Variants in KCNQ2 observed in about 807,000 individuals in gnomAD.
KCNQ2 encodes the protein potassium voltage-gated channel subfamily KQT member 2.
In KCNQ2, 14 loss-of-function variants were observed where a neutral mutation model predicts 84.8. The ratio of observed to expected loss-of-function variants is 0.17; its 90% CI spans 0.11 to 0.26. KCNQ2 has a LOEUF of 0.26. KCNQ2 is among the 10% of genes least tolerant of loss of function. The pLI, the probability that KCNQ2 is intolerant of heterozygous loss-of-function variation, is 1.00. For missense variants in KCNQ2, 788 were observed against 1,254.0 expected, an observed-to-expected ratio of 0.63 and a Z score of 5.61; for synonymous variants, 599 against 554.1, an observed-to-expected ratio of 1.08 and a Z score of -1.14.
At chr20:63,423,035 T>A (rs2080521741) in intron 11 of KCNQ2, among the ~76,000 whole-genome samples, 2 of 152,154 alleles carry the variant, frequency 1.3e-5, no homozygotes, top group African/African-American at 2.4e-5. Flanking sequence ...GGGGAGGCAG[T>A]GGCAGCACTG....
intron 1 of KCNQ2, chr20:63,463,939 C>T (rs949257965): frequency 1.3e-5 from 2 of 152,066 alleles, no homozygotes; most frequent in African/African-American, 4.8e-5. Flanking sequence ...CCCGTCCGCC[C>T]CCACTGAGAT....
intron 9 of KCNQ2, 97 bp from the exon 10 acceptor site, chr20:63,428,532 G>T: frequency 9.5e-7 from 1 of 1,057,950 alleles, no homozygotes; most frequent in South Asian, 1.4e-5. Flanking sequence ...GGCGCCTGCA[G>T]TGTCAGACAC....
At position 63,446,174 on chromosome 20, in the gene KCNQ2, C is replaced by T; in HGVS notation, c.387+573G>A. 3.7e-6 allele frequency: 1 copy of T among 270,038 alleles called. No homozygotes were observed. The allele number at this position is 270,038 out of a possible 1,614,324, so 16.7% of individuals were successfully genotyped here. A position where few individuals can be genotyped will look rare whatever the true frequency, so the allele number is the denominator to read the frequency against. On this transcript the variant is annotated intron_variant, in intron 2 of 16. Coordinates refer to ENST00000359125, the MANE Select transcript of KCNQ2 (RefSeq NM_172107.4). This position sits in a 1 kb window ranked among gnomAD's most constrained non-coding sequence, Gnocchi z 5.5. The stretch of plus-strand genomic sequence containing the variant: ...TGAGCTGAGGGAAGGCCCCAGGTAA[C>T]TGCAAAGGGGGCCACAGTCTCCACC...
Position 63,408,317 on chromosome 20 carries a change from C to G in KCNQ2, c.1887+96G>C. The G allele has an allele frequency of 6.7e-7, 1 of 1,498,742 alleles. No homozygotes were observed. Among genetic ancestry groups the G allele is most frequent in the Non-Finnish European group, 9.1e-7 (1 of 1,098,760 alleles). The allele number at this position is 1,498,742 out of a possible 1,614,324, so 92.8% of individuals were successfully genotyped here. The stretch of plus-strand genomic sequence containing the variant: ...GTAAACCCTAGACTTGAGGAGCCCT[C>G]CGTGGCACCCAGCCCCTGAAGCCCA... On this transcript the variant is annotated intron_variant, in intron 16 of 16. Coordinates refer to ENST00000359125, the MANE Select transcript of KCNQ2 (RefSeq NM_172107.4). The surrounding 1 kb of genome is among the most constrained non-coding windows in gnomAD (Gnocchi z 5.0).
chr20:63,468,748 C>G (rs757362315), intron 1 of KCNQ2, among the ~76,000 whole-genome samples: 7 of 152,252 alleles, frequency 4.6e-5, no homozygotes, highest in Non-Finnish European at 7.3e-5. Flanking sequence ...AGGCCCTCCC[C>G]GGTGCCAGAT....
chr20:63,438,333 C>T lies in KCNQ2; in HGVS notation c.1023+292G>A. 5 of 526,840 alleles carry T rather than the reference C, an allele frequency of 9.5e-6. No individual in the cohort carries two copies. Among genetic ancestry groups the T allele is most frequent in the Non-Finnish European group, 1.7e-5 (5 of 289,120 alleles). 32.6% of individuals were successfully genotyped at this position (526,840 alleles called of 1,614,324 possible). ...CCTGCAGCTGCAGAACGGGTGTGCT[C>T]ACCTCCCAGGGTGCGGTAGAGAGGA... On this transcript the variant is annotated intron_variant, in intron 7 of 16. Coordinates refer to ENST00000359125, the MANE Select transcript of KCNQ2 (RefSeq NM_172107.4). This position sits in a 1 kb window ranked among gnomAD's most constrained non-coding sequence, Gnocchi z 5.1.
rs2079815938 is a variant in KCNQ2 at position 63,401,880 on chromosome 20, A to ACGC, written c.*4763_*4764insGCG. Reference sequence around the variant, plus strand: ...CCAAGCCTTGTGAACCGTCCCTCTCACACGTCTGCCGGGCACCCTCCACCA... The same window carrying ACGC: ...CCAAGCCTTGTGAACCGTCCCTCTCACGCCACGTCTGCCGGGCACCCTCCACCA... On this transcript the variant is annotated 3_prime_UTR_variant, in exon 17 of 17. Coordinates refer to ENST00000359125, the MANE Select transcript of KCNQ2 (RefSeq NM_172107.4). The ACGC allele has an allele frequency of 1.7e-5, 3 of 174,994 alleles. No homozygotes were observed. Among genetic ancestry groups the ACGC allele is most frequent in the Admixed American group, 6.8e-5 (1 of 14,600 alleles). The allele number at this position is 174,994 out of a possible 1,614,324, so 10.8% of individuals were successfully genotyped here. A position where few individuals can be genotyped will look rare whatever the true frequency, so the allele number is the denominator to read the frequency against.
chr20:63,439,763 A>G, intron 5 of KCNQ2, 55 bp from the exon 6 acceptor site: 1 of 1,364,992 alleles, frequency 7.3e-7, no homozygotes, highest in Non-Finnish European at 1.0e-6. Context: ...CCCTGAGGGC[A>G]GGCTGGACGC....
Position 63,465,481 on chromosome 20 carries a change from T to C in KCNQ2, c.296+6687A>G, listed in dbSNP as rs943554866. On this transcript the variant is annotated intron_variant, in intron 1 of 16. Transcript: ENST00000359125. ...CATCACCCGCTGCTGAGGCCAGCGGTCGGCAGGGCCCTGCCACTCAGAGCC... is the reference window on the plus strand; with the variant it reads ...CATCACCCGCTGCTGAGGCCAGCGGCCGGCAGGGCCCTGCCACTCAGAGCC... 3.9e-5 allele frequency among the ~76,000 whole-genome samples: 6 copies of C among 152,054 alleles called. 1 individual carries two copies. Among genetic ancestry groups the C allele is most frequent in the Admixed American group, 2.0e-4 (3 of 15,282 alleles).
chr20:63,444,908 G>A (rs888059733), intron 3 of KCNQ2, 74 bp from the exon 4 acceptor site: 12 of 1,452,350 alleles, frequency 8.3e-6, no homozygotes, highest in African/African-American at 2.8e-5. Flanking sequence ...TCCCCACCCC[G>A]CGTTCCAGGA....
At chr20:63,431,426 G>A (rs369030786) in intron 8 of KCNQ2, 57 bp from the exon 9 acceptor site, 42 of 1,576,748 alleles carry the variant, frequency 2.7e-5, no homozygotes, top group Admixed American at 1.3e-4. Flanking sequence ...CAAAAAGAAC[G>A]GGATAAGAAA....
intron 12 of KCNQ2, among the ~76,000 whole-genome samples, chr20:63,416,057 C>A (rs1236748411): frequency 6.6e-6 from 1 of 152,210 alleles, no homozygotes; most frequent in Non-Finnish European, 1.5e-5. Context: ...TCCCCTCCCA[C>A]CAGGTCCGTG....
rs2082245461 is a variant in KCNQ2, at chr20:63,472,597, G to A, written c.-134C>T. On this transcript the variant is annotated 5_prime_UTR_variant, in exon 1 of 17. Transcript: ENST00000359125. The stretch of plus-strand genomic sequence containing the variant: ...AGGCGGCGGTTCCGCACTCCTGCCG[G>A]GCTTGGGCCGCGCGCGGAGACGCTG... The A allele has an allele frequency of 1.4e-6, 1 of 696,178 alleles. No homozygotes were observed. The highest frequency in any genetic ancestry group is 1.9e-6 in the Non-Finnish European group (1 of 536,908). The allele number at this position is 696,178 out of a possible 1,614,324, so 43.1% of individuals were successfully genotyped here. A position where few individuals can be genotyped will look rare whatever the true frequency, so the allele number is the denominator to read the frequency against.
intron 12 of KCNQ2, among the ~76,000 whole-genome samples, chr20:63,417,500 G>A (rs1033388833): frequency 5.3e-5 from 8 of 152,368 alleles, no homozygotes; most frequent in Middle Eastern, 3.4e-3. Flanking sequence ...AGAGCCGGTC[G>A]GCCCAACTGT....
At chr20:63,455,880 C>T (rs1355903752) in intron 1 of KCNQ2, among the ~76,000 whole-genome samples, 3 of 113,982 alleles carry the variant, frequency 2.6e-5, no homozygotes, top group Non-Finnish European at 5.4e-5. Context: ...CCCCCACCTC[C>T]GGGAGACCCC....
At chr20:63,448,200 C>T (rs2081491384) in intron 1 of KCNQ2, 5 of 152,282 alleles carry the variant, frequency 3.3e-5, no homozygotes, top group South Asian at 2.1e-4. Context: ...AAACCCACTT[C>T]GCAGGAAGCA....
chr20:63,437,585 T>C (rs1296915300), intron 7 of KCNQ2, among the ~76,000 whole-genome samples: 1 of 152,238 alleles, frequency 6.6e-6, no homozygotes, highest in African/African-American at 2.4e-5. Context: ...CCCTCCTCTG[T>C]GTCAAATCTC....
At position 63,443,559 on chromosome 20, in the gene KCNQ2, TCAC is replaced by T. The variant is rs1190170973; in HGVS notation, c.691-1031_691-1029del. On this transcript the variant is annotated intron_variant, in intron 4 of 16. Coordinates refer to ENST00000359125, the MANE Select transcript of KCNQ2 (RefSeq NM_172107.4). ...ACCACCACCATGACCATCATGACCA[TCAC>T]CACCACCACCACCATCACTACCACC... The T allele has an allele frequency of 5.1e-4, 54 of 106,184 alleles. 1 individual carries two copies. In the South Asian group the frequency reaches 0.012, roughly 24 times the overall value. The allele number at this position is 106,184 out of a possible 1,614,324, so 6.6% of individuals were successfully genotyped here.
At chr20:63,469,939 C>A (rs1216816108) in intron 1 of KCNQ2, among the ~76,000 whole-genome samples, 1 of 152,256 alleles carries the variant, frequency 6.6e-6, no homozygotes, top group African/African-American at 2.4e-5. Context: ...GCTGCACCAG[C>A]AGTGCTGAGC....
Sources: gnomAD v4.1 joint callset for allele counts (sites outside exome capture counted in the v4.1 genomes callset) on GRCh38, gnomAD v4.1.1 for gene constraint, Gnocchi (gnomAD v3.1) non-coding constraint, MANE v1.5 for transcripts, NCBI Gene and HGNC (gene_info 2026-07-23, HGNC 2026-07-21) for gene names.